The following PCDH15 variants were observed in gnomAD, a reference collection of about 807,000 sequenced individuals.
The protein encoded by PCDH15 is protocadherin related 15, also known as protocadherin-15.
A neutral mutation model predicts 178.5 loss-of-function variants in PCDH15; 129 were observed. That is an observed-to-expected ratio of 0.72 (90% CI 0.63 to 0.84). PCDH15 has a LOEUF of 0.84. Among genes scored for constraint, PCDH15 ranks in the 40% least tolerant of loss-of-function variants. The pLI is 0.00. For missense variants in PCDH15, 2,230 were observed against 2,099.9 expected (o/e 1.06, Z -1.21); for synonymous variants, 800 against 732.0 (o/e 1.09, Z -1.50).
rs138580233 is a variant in PCDH15 at position 53,894,714 on chromosome 10, G to A, written c.3501+8529C>T. ...TTCTCAAGTATAACAGTTGTCACAG[G>A]ACACTTGACATTGTAACAGTAAATA... On this transcript the variant is annotated intron_variant, in intron 26 of 37. Coordinates refer to ENST00000644397, the MANE Select transcript of PCDH15 (RefSeq NM_001384140.1). Among the ~76,000 whole-genome samples, 438 of 152,250 alleles carry A rather than the reference G, an allele frequency of 2.9e-3. 4 individuals carry two copies. Among genetic ancestry groups the A allele is most frequent in the Non-Finnish European group, 3.8e-3 (258 of 68,018 alleles).
intron 2 of PCDH15, among the ~76,000 whole-genome samples, chr10:55,573,563 T>C (rs1035872498): frequency 2.6e-5 from 4 of 152,132 alleles, no homozygotes; most frequent in African/African-American, 9.7e-5. Context: ...TATGATCTCA[T>C]TGAAAAGCTG....
Position 53,840,447 on chromosome 10 carries a change from CT to C in PCDH15, c.3855del (p.Val1286TrpfsTer15). On this transcript the variant is annotated frameshift_variant, in exon 29 of 38. Transcript: ENST00000644397. LOFTEE classifies it high-confidence loss of function. The stretch of plus-strand genomic sequence containing the variant: ...TGCCGGCGAGCTCCAATGGACTCCA[CT>C]ACGACCTTGGCACCAGGAATTTGTT... The part of the protein sequence containing the change: ...VQEQIPGAKV[V>X]VESIGARRHG... 1 of 1,614,100 alleles carries C rather than the reference CT, an allele frequency of 6.2e-7. No homozygotes were observed. Among genetic ancestry groups the C allele is most frequent in the South Asian group, 1.1e-5 (1 of 91,078 alleles).
intron 1 of PCDH15, among the ~76,000 whole-genome samples, chr10:54,734,402 C>A (rs1319703232): frequency 6.6e-6 from 1 of 151,856 alleles, no homozygotes; most frequent in Non-Finnish European, 1.5e-5. Flanking sequence ...AACCTTGTTA[C>A]ACTAAATACC....
intron 2 of PCDH15, among the ~76,000 whole-genome samples, chr10:55,418,269 G>C (rs1838533450): frequency 6.6e-6 from 1 of 151,722 alleles, no homozygotes; most frequent in Non-Finnish European, 1.5e-5. Context: ...GAATGTAACT[G>C]TTAACAACAT....
intron 3 of PCDH15, among the ~76,000 whole-genome samples, chr10:54,505,384 T>C (rs573743481): frequency 3.9e-5 from 6 of 152,264 alleles, no homozygotes; most frequent in Admixed American, 3.9e-4. Flanking sequence ...ACCCTATTTG[T>C]CTGTGTGTAA....
intron 29 of PCDH15, among the ~76,000 whole-genome samples, chr10:53,832,247 A>AT (rs1554824439): frequency 6.6e-6 from 1 of 152,022 alleles, no homozygotes; most frequent in Non-Finnish European, 1.5e-5. Context: ...AAATAATGCA[A>AT]TTCCAACTAT....
chr10:54,378,162 C>A (rs1214658216), intron 4 of PCDH15, among the ~76,000 whole-genome samples: 5 of 151,930 alleles, frequency 3.3e-5, no homozygotes, highest in African/African-American at 1.2e-4. Context: ...TGGGCTCAAG[C>A]AGTTCTCCCC....
intron 2 of PCDH15, among the ~76,000 whole-genome samples, chr10:55,075,258 CTTGTAT>C (rs1841855285): frequency 6.6e-6 from 1 of 151,720 alleles, no homozygotes; most frequent in African/African-American, 2.4e-5. Flanking sequence ...CTAATGATTC[CTTGTAT>C]TTGTGTGGTA....
At chr10:54,857,455 T>A (rs981687406) in intron 3 of PCDH15, among the ~76,000 whole-genome samples, 4 of 151,990 alleles carry the variant, frequency 2.6e-5, no homozygotes, top group African/African-American at 9.7e-5. Context: ...TTTAAATACT[T>A]TTTTTTGACA....
At chr10:54,775,620 G>A (rs566567960) in intron 1 of PCDH15, among the ~76,000 whole-genome samples, 5 of 152,156 alleles carry the variant, frequency 3.3e-5, no homozygotes, top group South Asian at 2.1e-4. Flanking sequence ...TATCTCGGCC[G>A]GGCGCGGTGG....
chr10:54,507,707 C>G (rs2081287689), intron 3 of PCDH15, among the ~76,000 whole-genome samples: 1 of 151,900 alleles, frequency 6.6e-6, no homozygotes, highest in South Asian at 2.1e-4. Context: ...GTTTCCCAAG[C>G]AACTAAGCAA....
intron 1 of PCDH15, among the ~76,000 whole-genome samples, chr10:55,194,943 T>G (rs1840044241): frequency 1.3e-5 from 2 of 152,106 alleles, no homozygotes; most frequent in Non-Finnish European, 2.9e-5. Flanking sequence ...ATGCTACCTT[T>G]TAACTTACTG....
At chr10:54,089,750 A>G (rs1012588334) in intron 16 of PCDH15, among the ~76,000 whole-genome samples, 2 of 152,186 alleles carry the variant, frequency 1.3e-5, no homozygotes, top group African/African-American at 2.4e-5. Flanking sequence ...GTGCCTTCCA[A>G]TGAAATGTTT....
At chr10:54,948,153 A>G (rs970260028) in intron 2 of PCDH15, among the ~76,000 whole-genome samples, 5 of 151,980 alleles carry the variant, frequency 3.3e-5, no homozygotes, top group African/African-American at 1.2e-4. Flanking sequence ...GATGTAGCAT[A>G]TGCAAGTTGA....
At chr10:54,154,314 T>A (rs765172810) in intron 13 of PCDH15, among the ~76,000 whole-genome samples, 1 of 147,444 alleles carries the variant, frequency 6.8e-6, no homozygotes, top group Non-Finnish European at 1.5e-5. Context: ...AATTTACACA[T>A]GAGGGAATAT....
At chr10:54,046,127 C>T (rs1358054356) in intron 18 of PCDH15, among the ~76,000 whole-genome samples, 1 of 152,094 alleles carries the variant, frequency 6.6e-6, no homozygotes, top group Non-Finnish European at 1.5e-5. Flanking sequence ...TAATCACGAT[C>T]ATAATGCGAT....
At chr10:53,839,072 C>T (rs539787973) in intron 29 of PCDH15, among the ~76,000 whole-genome samples, 21 of 151,838 alleles carry the variant, frequency 1.4e-4, no homozygotes, top group African/African-American at 4.3e-4. Flanking sequence ...GGCGTGGTGG[C>T]GGGCGCCTGT....
intron 2 of PCDH15, among the ~76,000 whole-genome samples, chr10:55,493,993 A>G (rs1589079743): frequency 2.6e-5 from 4 of 151,862 alleles, no homozygotes; most frequent in African/African-American, 9.7e-5. Context: ...TTACATCATT[A>G]GAATCCATTT....
intron 1 of PCDH15, among the ~76,000 whole-genome samples, chr10:55,317,726 A>AG (rs1843762777): frequency 6.6e-6 from 1 of 152,094 alleles, no homozygotes; most frequent in African/African-American, 2.4e-5. Flanking sequence ...ACAGAAAAAA[A>AG]AAAACAGAAT....
Sources: allele counts gnomAD v4.1 joint callset (sites outside exome capture counted in the v4.1 genomes callset), GRCh38; gene constraint gnomAD v4.1.1; transcripts MANE v1.5; gene names NCBI Gene and HGNC (gene_info 2026-07-23, HGNC 2026-07-21).